Variants in SPIDR observed in about 807,000 individuals in gnomAD.
SPIDR encodes DNA repair-scaffolding protein.
A neutral mutation model predicts 104.6 loss-of-function variants in SPIDR; 93 were observed. The ratio of observed to expected loss-of-function variants is 0.89; its 90% CI spans 0.75 to 1.06. The LOEUF (loss-of-function observed/expected upper bound fraction) is 1.06. Ranked by LOEUF, SPIDR falls within the 50% of genes least tolerant of loss-of-function variation. SPIDR has a pLI of 0.00. For missense variants in SPIDR, 1,154 were observed against 1,111.2 expected (o/e 1.04, Z -0.55); for synonymous variants, 431 against 416.9 (o/e 1.03, Z -0.41).
chr8:47,370,439 A>ATTTTTTTTTTT (rs34220804), intron 5 of SPIDR, among the ~76,000 whole-genome samples: 1 of 99,076 alleles, frequency 1.0e-5, no homozygotes, highest in Non-Finnish European at 1.9e-5. Context: ...AGAGGTCAAG[A>ATTTTTTTTTTT]TTTTTTTTTT....
chr8:47,405,838 A>AGGACATGGTG (rs1554666959), intron 6 of SPIDR, among the ~76,000 whole-genome samples: 1 of 152,206 alleles, frequency 6.6e-6, no homozygotes, highest in Non-Finnish European at 1.5e-5. Context: ...TGTTGATTAG[A>AGGACATGGTG]GGACATGGTG....
chr8:47,565,993 T>TATATATATATA (rs1491137131), intron 8 of SPIDR, among the ~76,000 whole-genome samples: 20 of 28,772 alleles, frequency 7.0e-4, no homozygotes, highest in East Asian at 4.4e-3. Flanking sequence ...TATATATATA[T>TATATATATATA]TTTTTTTTTT....
chr8:47,411,548 G>A (rs997155170), intron 7 of SPIDR, among the ~76,000 whole-genome samples: 1 of 152,140 alleles, frequency 6.6e-6, no homozygotes, highest in African/African-American at 2.4e-5. Context: ...TGTAGATTCT[G>A]GATATTAGCT....
intron 14 of SPIDR, among the ~76,000 whole-genome samples, chr8:47,706,111 A>G (rs746275333): frequency 2.6e-5 from 4 of 151,826 alleles, no homozygotes; most frequent in Non-Finnish European, 5.9e-5. Context: ...AACCAAAACC[A>G]GCTGGGCGCG....
chr8:47,661,839 T>C (rs1390199128), intron 10 of SPIDR, among the ~76,000 whole-genome samples: 1 of 152,256 alleles, frequency 6.6e-6, no homozygotes, highest in East Asian at 1.9e-4. Flanking sequence ...AGAGAGCTTC[T>C]GTGCCTTGTC....
chr8:47,713,586 G>C lies in SPIDR; in HGVS notation c.2286G>C (p.Val762=). Residue 762 remains valine (V), a synonymous_variant, in exon 16 of 20, where the codon GTG becomes GTC. Transcript: ENST00000297423. ...GASSCELPGP[V]MLDSLDSATP... ...GTTCCTGTGAGCTGCCTGGCCCGGTGATGCTCGACAGCCTGGACTCTGCAA... is the reference window on the plus strand; with the variant it reads ...GTTCCTGTGAGCTGCCTGGCCCGGTCATGCTCGACAGCCTGGACTCTGCAA... The C allele has an allele frequency of 6.2e-7, 1 of 1,614,200 alleles. No homozygotes were observed. Among genetic ancestry groups the C allele is most frequent in the Non-Finnish European group, 8.5e-7 (1 of 1,180,044 alleles).
chr8:47,324,321 A>G (rs1458811496), intron 5 of SPIDR, among the ~76,000 whole-genome samples: 2 of 143,354 alleles, frequency 1.4e-5, no homozygotes, highest in Non-Finnish European at 3.1e-5. Context: ...TCTTTCCCCT[A>G]TCCCCCATCC....
intron 8 of SPIDR, among the ~76,000 whole-genome samples, chr8:47,504,712 T>C (rs573605181): frequency 5.9e-5 from 9 of 152,224 alleles, no homozygotes; most frequent in Non-Finnish European, 1.0e-4. Flanking sequence ...AGAGGCACTC[T>C]GATTTTTAGA....
intron 7 of SPIDR, among the ~76,000 whole-genome samples, chr8:47,435,383 T>A (rs1021917976): frequency 6.6e-6 from 1 of 152,112 alleles, no homozygotes; most frequent in Non-Finnish European, 1.5e-5. Context: ...ACAAAAGACT[T>A]TTCAAAGAGC....
chr8:47,308,259 C>T lies in SPIDR; in HGVS notation c.525+14229C>T, dbSNP rs368591644. Among the ~76,000 whole-genome samples the T allele has an allele frequency of 2.9e-3, 438 of 151,488 alleles. 1 individual carries two copies. Among genetic ancestry groups the T allele is most frequent in the Non-Finnish European group, 4.6e-3 (311 of 67,840 alleles). On this transcript the variant is annotated intron_variant, in intron 5 of 19. Coordinates refer to ENST00000297423, the MANE Select transcript of SPIDR (RefSeq NM_001080394.4). ...GTGCTTCTTAGTAGAGATGGGGTTT[C>T]GCCATGTTGCCCAGGCTCGTCTCAA...
intron 7 of SPIDR, among the ~76,000 whole-genome samples, chr8:47,434,256 G>A (rs2067875634): frequency 6.6e-6 from 1 of 152,096 alleles, no homozygotes; most frequent in African/African-American, 2.4e-5. Context: ...ACCCCCTGAT[G>A]TCCATTCCTG....
At chr8:47,512,854 A>C (rs190564517) in intron 8 of SPIDR, among the ~76,000 whole-genome samples, 2 of 152,356 alleles carry the variant, frequency 1.3e-5, no homozygotes, top group East Asian at 3.9e-4. Flanking sequence ...ATGTTAAATA[A>C]ATTTATTAAT....
chr8:47,655,376 T>C (rs1403181256), intron 10 of SPIDR, among the ~76,000 whole-genome samples: 1 of 152,192 alleles, frequency 6.6e-6, no homozygotes, highest in Non-Finnish European at 1.5e-5. Flanking sequence ...CCACATCCTC[T>C]CCAGCACCTG....
chr8:47,294,057 T>A, intron 5 of SPIDR, 27 bp downstream of exon 5: 1 of 1,599,210 alleles, frequency 6.3e-7, no homozygotes, highest in Non-Finnish European at 8.5e-7. Flanking sequence ...TCAAAACTTT[T>A]ATTCACTTTA....
intron 5 of SPIDR, among the ~76,000 whole-genome samples, chr8:47,337,107 C>T (rs2049912648): frequency 6.6e-6 from 1 of 151,964 alleles, no homozygotes; most frequent in Non-Finnish European, 1.5e-5. Flanking sequence ...TTTCAATTGG[C>T]TTGTGTGTGT....
chr8:47,648,081 G>T (rs914857206), intron 10 of SPIDR, among the ~76,000 whole-genome samples: 5 of 152,192 alleles, frequency 3.3e-5, no homozygotes, highest in Admixed American at 3.3e-4. Flanking sequence ...AACCCCTGTA[G>T]AAGTGATTCT....
At chr8:47,582,249 A>C (rs2059785298) in intron 8 of SPIDR, among the ~76,000 whole-genome samples, 1 of 151,904 alleles carries the variant, frequency 6.6e-6, no homozygotes, top group African/African-American at 2.4e-5. Context: ...TTGTTTTTTA[A>C]GGTAGTTATA....
At chr8:47,387,108 G>A (rs150059127) in intron 5 of SPIDR, among the ~76,000 whole-genome samples, 21 of 152,198 alleles carry the variant, frequency 1.4e-4, no homozygotes, top group African/African-American at 4.6e-4. Context: ...GGAAAGATTT[G>A]GGGTGGGAAT....
At chr8:47,459,389 C>A (rs2073559669) in intron 8 of SPIDR, among the ~76,000 whole-genome samples, 2 of 151,982 alleles carry the variant, frequency 1.3e-5, no homozygotes, top group Admixed American at 1.3e-4. Context: ...GGAATTTATT[C>A]AGCATCCTCT....
Sources: allele counts gnomAD v4.1 joint callset (sites outside exome capture counted in the v4.1 genomes callset), GRCh38; gene constraint gnomAD v4.1.1; transcripts MANE v1.5; gene names NCBI Gene and HGNC (gene_info 2026-07-23, HGNC 2026-07-21).